NDE1: variants seen among roughly 807,000 people sequenced by gnomAD.
NDE1 encodes the protein nuclear distribution protein nudE homolog 1.
NDE1 carries 28 observed loss-of-function variants against 43.4 expected under a neutral mutation model. The observed-to-expected ratio is 0.65, with a 90% CI of 0.48 to 0.89. The LOEUF is 0.89. Ranked by LOEUF, NDE1 falls within the 40% of genes least tolerant of loss-of-function variation. The pLI is 0.00. For synonymous variants in NDE1, 184 were observed against 172.0 expected (o/e 1.07, Z -0.55); for missense variants, 441 against 434.1 (o/e 1.02, Z -0.14).
intron 2 of NDE1, among the ~76,000 whole-genome samples, chr16:15,665,911 C>T (rs897029492): frequency 6.6e-6 from 1 of 152,020 alleles, no homozygotes; most frequent in Non-Finnish European, 1.5e-5. Context: ...CATGCACCAC[C>T]ATGCCCAGCT....
At chr16:15,696,395 A>C (rs1407197717) in intron 7 of NDE1, among the ~76,000 whole-genome samples, 2 of 151,472 alleles carry the variant, frequency 1.3e-5, no homozygotes, top group African/African-American at 4.8e-5. Context: ...ACAAAAAAAA[A>C]AACTGAGATG....
intron 3 of NDE1, among the ~76,000 whole-genome samples, chr16:15,669,785 C>T (rs2037500405): frequency 6.6e-6 from 1 of 152,112 alleles, no homozygotes; most frequent in Admixed American, 6.5e-5. Context: ...ATGAGTCACC[C>T]CGCCTGACCA....
chr16:15,717,039 C>G (rs914548575), intron 8 of NDE1: 1 of 1,302,154 alleles, frequency 7.7e-7, no homozygotes, highest in Non-Finnish European at 1.1e-6. Flanking sequence ...TTGCTTCTTA[C>G]AAGCCAGAAC....
chr16:15,696,874 A>C lies in NDE1; in HGVS notation c.947+14A>C. 6.2e-7 allele frequency: 1 copy of C among 1,613,794 alleles called. No homozygotes were observed. The highest frequency in any genetic ancestry group is 8.5e-7 in the Non-Finnish European group (1 of 1,179,934). On this transcript the variant is annotated intron_variant, in intron 8 of 8. Transcript: ENST00000396354. The stretch of plus-strand genomic sequence containing the variant: ...GGGTGATAAGGGGTCAGTACCTTCT[A>C]ATAAACCTCTCGCTGGCGGGGAGAA...
In NDE1 at chr16:15,719,263, T is replaced by C. The variant is rs566447086; in HGVS notation, c.948-4928T>C. ...GCCAGCTCCTCTGCCAGTTCCTCCT[T>C]CTCGAGGTCCGCTTGTTTGCGAGCC... On this transcript the variant is annotated intron_variant, in intron 8 of 8. Transcript: ENST00000396354. The C allele has an allele frequency of 2.7e-5, 44 of 1,613,380 alleles. No individual in the cohort carries two copies. Among genetic ancestry groups the C allele is most frequent in the East Asian group, 4.5e-5 (2 of 44,886 alleles).
chr16:15,722,453 A>G (rs1454036498), intron 8 of NDE1, among the ~76,000 whole-genome samples: 1 of 152,202 alleles, frequency 6.6e-6, no homozygotes, highest in Non-Finnish European at 1.5e-5. Flanking sequence ...CCAAAAGCCA[A>G]ACTTCCAGTA....
rs142416820 is a variant in NDE1, at chr16:15,722,802, G to A, written c.948-1389G>A. Among the ~76,000 whole-genome samples the A allele has an allele frequency of 3.0e-3, 452 of 152,262 alleles. 5 individuals are homozygous for A. Among genetic ancestry groups the A allele is most frequent in the African/African-American group, 0.01 (418 of 41,548 alleles). On this transcript the variant is annotated intron_variant, in intron 8 of 8. Transcript: ENST00000396354. The stretch of plus-strand genomic sequence containing the variant: ...ATCACTCAGGCTGGGGTGTAGTGGC[G>A]CAATCTTGGCTCACTGCAACCTCCA...
At chr16:15,673,014 A>G (rs768783239) in intron 3 of NDE1, among the ~76,000 whole-genome samples, 3 of 152,130 alleles carry the variant, frequency 2.0e-5, no homozygotes, top group African/African-American at 4.8e-5. Flanking sequence ...TTCTTGCACA[A>G]TGGCTCTCGC....
At chr16:15,669,805 A>T (rs938373142) in intron 3 of NDE1, among the ~76,000 whole-genome samples, 1 of 152,140 alleles carries the variant, frequency 6.6e-6, no homozygotes, top group Non-Finnish European at 1.5e-5. Context: ...ACACTGTGGG[A>T]TGTTTGGCAG....
chr16:15,724,055 G>A, intron 8 of NDE1, 136 bp from the exon 9 acceptor site: 1 of 1,572,644 alleles, frequency 6.4e-7, no homozygotes, highest in African/African-American at 1.3e-5. Flanking sequence ...CCCACAGAGT[G>A]GAGAGGGGAT....
chr16:15,699,655 ACT>A (rs756327217), intron 8 of NDE1: 2 of 1,297,760 alleles, frequency 1.5e-6, no homozygotes, highest in South Asian at 2.5e-5. Context: ...CACCCTTATA[ACT>A]CTCTGGGCCC....
At chr16:15,643,469 GA>G (rs1567605378) in exon 1 of NDE1, 2 of 413,548 alleles carry the variant, frequency 4.8e-6, no homozygotes, top group Non-Finnish European at 9.7e-6. Flanking sequence ...TGGACCCGAG[GA>G]AAAAACCTGC....
At chr16:15,651,466 CAG>C (rs1353178796) in intron 1 of NDE1, 1 of 137,374 alleles carries the variant, frequency 7.3e-6, no homozygotes, top group Admixed American at 7.9e-5. Flanking sequence ...GTTTTTGAGA[CAG>C]AGTCTCACTC....
At chr16:15,721,590 C>T (rs148589251) in intron 8 of NDE1, 1 of 1,614,086 alleles carries the variant, frequency 6.2e-7, no homozygotes, top group African/African-American at 1.3e-5. Context: ...CTCTGTCCCT[C>T]TCATCCGCGT....
chr16:15,689,914 G>A (rs907424974), intron 5 of NDE1, among the ~76,000 whole-genome samples: 1 of 144,862 alleles, frequency 6.9e-6, no homozygotes, highest in Non-Finnish European at 1.5e-5. Flanking sequence ...ACTTAAGCCC[G>A]GGCAAGAGAG....
intron 5 of NDE1, among the ~76,000 whole-genome samples, chr16:15,690,337 C>CTTTTTTTTTTTTTCTTTTTTTTTT (rs2038671654): frequency 1.8e-4 from 13 of 74,104 alleles, no homozygotes; most frequent in South Asian, 4.6e-4. Flanking sequence ...TGCAACTGGC[C>CTTTTTTTTTTTTTCTTTTTTTTTT]TTTTTTTTTT....
intron 5 of NDE1, 114 bp from the exon 6 acceptor site, chr16:15,691,030 A>G: frequency 7.9e-7 from 1 of 1,270,068 alleles, no homozygotes; most frequent in South Asian, 1.2e-5. Flanking sequence ...CTGGTCTCGA[A>G]CTCCTGACCT....
chr16:15,664,657 G>GT lies in NDE1; in HGVS notation c.-43-64dup, dbSNP rs372702195. The GT allele has an allele frequency of 0.22, 152,422 of 679,940 alleles. No homozygotes were observed. The highest frequency in any genetic ancestry group is 0.3 in the South Asian group (16,616 of 56,266). The allele number at this position is 679,940 out of a possible 1,614,324, so 42.1% of individuals were successfully genotyped here. A position where few individuals can be genotyped will look rare whatever the true frequency, so the allele number is the denominator to read the frequency against. ...GGCGTGAGCCACCGCGCCTGGCCAA[G>GT]TTTTTTTTTTTTTTTCTGTTAAAGG... On this transcript the variant is annotated intron_variant, in intron 1 of 8. Coordinates refer to ENST00000396354, the MANE Select transcript of NDE1 (RefSeq NM_017668.3).
chr16:15,678,656 T>G (rs1470471727), intron 4 of NDE1, among the ~76,000 whole-genome samples: 1 of 152,114 alleles, frequency 6.6e-6, no homozygotes, highest in African/African-American at 2.4e-5. Flanking sequence ...ATTCCTAAAC[T>G]GATGTTCTGT....
Sources: gnomAD v4.1 joint callset for allele counts (sites outside exome capture counted in the v4.1 genomes callset) on GRCh38, gnomAD v4.1.1 for gene constraint, MANE v1.5 for transcripts, NCBI Gene and HGNC (gene_info 2026-07-23, HGNC 2026-07-21) for gene names.